The following CRK variants were observed in gnomAD, a reference collection of about 807,000 sequenced individuals.
CRK encodes adapter molecule crk.
A neutral mutation model predicts 29.8 loss-of-function variants in CRK; 4 were observed. The observed-to-expected ratio is 0.13, with a 90% confidence interval of 0.07 to 0.31. The LOEUF (loss-of-function observed/expected upper bound fraction) is 0.31, where lower values mean the gene tolerates loss of function less well. Ranked by LOEUF, CRK falls within the 10% of genes least tolerant of loss-of-function variation. CRK has a pLI of 1.00. For missense variants in CRK, 274 were observed against 396.5 expected (o/e 0.69, Z 2.62); for synonymous variants, 153 against 164.9 (o/e 0.93, Z 0.55).
chr17:1,453,211 G>T (rs2074031983), intron 1 of CRK, among the ~76,000 whole-genome samples: 1 of 152,166 alleles, frequency 6.6e-6, no homozygotes, highest in African/African-American at 2.4e-5. Context: ...ATAAACTTTG[G>T]CAATCTTCAC....
In CRK at chr17:1,421,014, T is replaced by C. The variant is rs982220310; in HGVS notation, c.*2499A>G. The C allele has an allele frequency of 1.3e-5, 2 of 152,238 alleles. No homozygotes were observed. 9.4% of individuals were successfully genotyped at this position (152,238 alleles called of 1,614,324 possible). On this transcript the variant is annotated 3_prime_UTR_variant, in exon 3 of 3. Transcript: ENST00000300574. ...ATATTAGTATTCAAAAAATGGGATT[T>C]GCAGAAATGATTATATAAAATATAG...
At position 1,446,677 on chromosome 17, in the gene CRK, C is replaced by T. The variant is rs2073977470; in HGVS notation, c.241+9200G>A. On this transcript the variant is annotated intron_variant, in intron 1 of 2. Coordinates refer to ENST00000300574, the MANE Select transcript of CRK (RefSeq NM_016823.4). ...CGCCATCTCGGCTCACTGCAAGCTC[C>T]GCTTCCTGGGTTCACGCCATTCTCC... 2.6e-5 allele frequency among the ~76,000 whole-genome samples: 4 copies of T among 151,408 alleles called. No homozygotes were observed. The South Asian group carries it at 8.4e-4, about 32-fold the overall frequency.
At chr17:1,451,288 T>C (rs2074016122) in intron 1 of CRK, among the ~76,000 whole-genome samples, 1 of 150,492 alleles carries the variant, frequency 6.6e-6, no homozygotes, top group Non-Finnish European at 1.5e-5. Context: ...ATAAAGCCAG[T>C]GGCACGATCT....
At chr17:1,434,457 T>C (rs540999959) in intron 2 of CRK, among the ~76,000 whole-genome samples, 3 of 152,256 alleles carry the variant, frequency 2.0e-5, no homozygotes, top group East Asian at 3.9e-4. Context: ...TGACCACACA[T>C]AGTACATATG....
At chr17:1,441,490 C>T (rs553178079) in intron 1 of CRK, among the ~76,000 whole-genome samples, 21 of 151,854 alleles carry the variant, frequency 1.4e-4, no homozygotes, top group Non-Finnish European at 2.6e-4. Context: ...GGCATTGCAC[C>T]CAGCTGATTT....
chr17:1,445,171 A>C, intron 1 of CRK, among the ~76,000 whole-genome samples: 1 of 151,954 alleles, frequency 6.6e-6, no homozygotes, highest in East Asian at 1.9e-4. Context: ...TCATTCCACT[A>C]TTGGAGAGAG....
chr17:1,426,756 G>T (rs935034542), intron 2 of CRK, among the ~76,000 whole-genome samples: 3 of 152,076 alleles, frequency 2.0e-5, no homozygotes, highest in Admixed American at 1.3e-4. Flanking sequence ...CCAGCTACTT[G>T]CGAGGCTGAG....
intron 1 of CRK, among the ~76,000 whole-genome samples, chr17:1,442,127 G>C (rs1383763779): frequency 1.3e-5 from 2 of 150,422 alleles, no homozygotes; most frequent in African/African-American, 4.9e-5. Flanking sequence ...AAAGTGCTGG[G>C]TTTAGAGGTG....
Position 1,436,750 on chromosome 17 carries a change from G to A in CRK, c.647C>T (p.Pro216Leu), listed in dbSNP as rs753846735. 1.6e-5 allele frequency: 25 copies of A among 1,592,672 alleles called. No individual in the cohort carries two copies. The highest frequency in any genetic ancestry group is 4.5e-5 in the East Asian group (2 of 44,844). The change falls in exon 2 of 3, where the codon CCG becomes CTG. Residue 216 changes from proline to leucine, a missense_variant. Physicochemically the swap from Pro to Leu is moderately conservative, Grantham distance 98. Coordinates refer to ENST00000300574, the MANE Select transcript of CRK (RefSeq NM_016823.4). Reference sequence around the variant, plus strand: ...GGGTTGGGCATAGGGCCCAGGCTCCGGCCCACCCAGTGGCTGTGGGTGGGA... The same window carrying A: ...GGGTTGGGCATAGGGCCCAGGCTCCAGCCCACCCAGTGGCTGTGGGTGGGA... ...EGSHPQPLGGPEPGPYAQPSV... is the reference protein window; with the variant it reads ...EGSHPQPLGGLEPGPYAQPSV...
intron 2 of CRK, among the ~76,000 whole-genome samples, chr17:1,430,885 G>T (rs1209007410): frequency 6.6e-6 from 1 of 151,180 alleles, no homozygotes; most frequent in South Asian, 2.1e-4. Context: ...GGCTAACACG[G>T]TGAAACCCCG....
intron 1 of CRK, among the ~76,000 whole-genome samples, chr17:1,440,890 A>T (rs8082128): frequency 4.6e-5 from 7 of 152,196 alleles, no homozygotes; most frequent in African/African-American, 1.4e-4. Flanking sequence ...GGCAAAAGAG[A>T]GAGACCTTGT....
At chr17:1,427,731 A>T (rs946394244) in intron 2 of CRK, among the ~76,000 whole-genome samples, 2 of 151,674 alleles carry the variant, frequency 1.3e-5, no homozygotes, top group Non-Finnish European at 2.9e-5. Flanking sequence ...CCAGGTTCAA[A>T]CAATTCTCCT....
intron 1 of CRK, among the ~76,000 whole-genome samples, chr17:1,446,356 G>C (rs2073974539): frequency 6.6e-6 from 1 of 152,064 alleles, no homozygotes. Context: ...ACACTTCCAA[G>C]GTACTCTCTC....
intron 1 of CRK, among the ~76,000 whole-genome samples, chr17:1,438,376 G>A (rs533037823): frequency 6.6e-6 from 1 of 151,812 alleles, no homozygotes; most frequent in Non-Finnish European, 1.5e-5. Context: ...GCAATCCTTC[G>A]GCCTCAACCT....
chr17:1,449,352 A>T (rs1306800263), intron 1 of CRK, among the ~76,000 whole-genome samples: 1 of 152,020 alleles, frequency 6.6e-6, no homozygotes, highest in Non-Finnish European at 1.5e-5. Context: ...CAAAGATAAG[A>T]AGTTTTCCAT....
At chr17:1,431,949 A>T (rs2150903348) in intron 2 of CRK, among the ~76,000 whole-genome samples, 1 of 152,360 alleles carries the variant, frequency 6.6e-6, no homozygotes. Context: ...GGAAAGAAAA[A>T]TCCTAATATG....
intron 2 of CRK, among the ~76,000 whole-genome samples, 164 bp downstream of exon 2, chr17:1,436,456 C>G (rs1017998293): frequency 6.6e-6 from 1 of 152,162 alleles, no homozygotes; most frequent in Admixed American, 6.6e-5. Context: ...AACAGGTTTT[C>G]TATGAAGAAG....
chr17:1,430,232 T>C (rs2073826127), intron 2 of CRK, among the ~76,000 whole-genome samples: 1 of 151,374 alleles, frequency 6.6e-6, no homozygotes, highest in Non-Finnish European at 1.5e-5. Flanking sequence ...TTCATAGAAA[T>C]GGAGTTTCAA....
chr17:1,430,037 C>T (rs1028487348), intron 2 of CRK, among the ~76,000 whole-genome samples: 1 of 149,116 alleles, frequency 6.7e-6, no homozygotes, highest in Non-Finnish European at 1.5e-5. Flanking sequence ...TATGCCATAA[C>T]TCAAATGATT....
Sources: allele counts gnomAD v4.1 joint callset (sites outside exome capture counted in the v4.1 genomes callset), GRCh38; gene constraint gnomAD v4.1.1; transcripts MANE v1.5; gene names NCBI Gene and HGNC (gene_info 2026-07-23, HGNC 2026-07-21).